The following IQCJ variants were observed in gnomAD, a reference collection of about 807,000 sequenced individuals.
The protein encoded by IQCJ is IQ motif containing J.
In IQCJ, 9 loss-of-function variants were observed where a neutral mutation model predicts 11.0. That is an observed-to-expected ratio of 0.82 (90% CI 0.49 to 1.43). The LOEUF (loss-of-function observed/expected upper bound fraction) is 1.43. IQCJ is among the 40% of genes most tolerant of loss of function. IQCJ has a pLI of 0.00. For missense variants in IQCJ, 146 were observed against 133.2 expected, an observed-to-expected ratio of 1.10 and a Z score of -0.47; for synonymous variants, 55 against 51.3, an observed-to-expected ratio of 1.07 and a Z score of -0.31.
At chr3:159,183,099 T>G (rs1723190730) in intron 1 of IQCJ, among the ~76,000 whole-genome samples, 1 of 152,076 alleles carries the variant, frequency 6.6e-6, no homozygotes. Flanking sequence ...TAGGTATTCA[T>G]AGGACTCCTT....
At chr3:159,244,973 G>A (rs543210414) in intron 1 of IQCJ, among the ~76,000 whole-genome samples, 6 of 152,272 alleles carry the variant, frequency 3.9e-5, no homozygotes, top group African/African-American at 7.2e-5. Flanking sequence ...AGAGTTCTGC[G>A]AGTCTTCCTT....
chr3:159,183,342 T>C (rs1271011899), intron 1 of IQCJ, among the ~76,000 whole-genome samples: 2 of 152,222 alleles, frequency 1.3e-5, no homozygotes, highest in East Asian at 3.8e-4. Flanking sequence ...CATTATGAAG[T>C]CTTTTTTGAC....
chr3:159,256,747 A>G (rs1288130412), intron 3 of IQCJ, among the ~76,000 whole-genome samples: 1 of 152,214 alleles, frequency 6.6e-6, no homozygotes, highest in East Asian at 1.9e-4. Flanking sequence ...ACATATTTTT[A>G]TGTCCACTTG....
chr3:159,108,006 C>CAAA (rs367862873), intron 1 of IQCJ, among the ~76,000 whole-genome samples: 1,092 of 100,198 alleles, frequency 0.011, 9 homozygotes, highest in Non-Finnish European at 0.014. Context: ...TATGGTTTTC[C>CAAA]AAAAAAAAAA....
intron 1 of IQCJ, among the ~76,000 whole-genome samples, chr3:159,157,277 C>T (rs1310868514): frequency 6.6e-6 from 1 of 152,184 alleles, no homozygotes; most frequent in African/African-American, 2.4e-5. Context: ...TTGCAACGAA[C>T]TATGGTATGG....
chr3:159,124,377 G>A (rs885342), intron 1 of IQCJ, among the ~76,000 whole-genome samples: 103,846 of 151,994 alleles, frequency 0.68, 35,554 homozygotes, highest in East Asian at 0.71. Flanking sequence ...GTTACTATGA[G>A]TAAATACCAA....
rs35878681 is a variant in IQCJ, at chr3:159,165,788, ATT to A, written c.10-80034_10-80033del. 6.5e-3 allele frequency among the ~76,000 whole-genome samples: 690 copies of A among 106,478 alleles called. 3 individuals are homozygous for A. The highest frequency in any genetic ancestry group is 0.022 in the African/African-American group (608 of 27,994). 69.9% of individuals were successfully genotyped at this position (106,478 alleles called of 152,430 possible). A position where few individuals can be genotyped will look rare whatever the true frequency, so the allele number is the denominator to read the frequency against. ...GCCACCATGCCCAGCTAATTTTTGTATTTTTTTTTTTTTTTTTTTTTTAGTAA... is the reference window on the plus strand; with the variant it reads ...GCCACCATGCCCAGCTAATTTTTGTATTTTTTTTTTTTTTTTTTTTAGTAA... On this transcript the variant is annotated intron_variant, in intron 1 of 3. Coordinates refer to ENST00000397832, the MANE Select transcript of IQCJ (RefSeq NM_001042706.3).
intron 1 of IQCJ, among the ~76,000 whole-genome samples, chr3:159,121,143 T>TC (rs1719354255): frequency 8.0e-6 from 1 of 124,274 alleles, no homozygotes; most frequent in East Asian, 2.9e-4. Flanking sequence ...TTTTTCTTTT[T>TC]TTTTTTTTTA....
intron 3 of IQCJ, among the ~76,000 whole-genome samples, chr3:159,255,528 GA>G (rs745758285): frequency 1.3e-5 from 2 of 152,210 alleles, no homozygotes; most frequent in Non-Finnish European, 2.9e-5. Context: ...GAATTTATAA[GA>G]AAGTGTAAAC....
At chr3:159,150,781 C>T (rs1577042750) in intron 1 of IQCJ, among the ~76,000 whole-genome samples, 1 of 152,156 alleles carries the variant, frequency 6.6e-6, no homozygotes, top group East Asian at 1.9e-4. Context: ...ACTGCCCCAT[C>T]CTGAGTTTTG....
intron 1 of IQCJ, among the ~76,000 whole-genome samples, chr3:159,103,315 T>C (rs1559985890): frequency 6.6e-6 from 1 of 152,254 alleles, no homozygotes; most frequent in Non-Finnish European, 1.5e-5. Flanking sequence ...GGAGAATTAC[T>C]TCTTTTGTAG....
At chr3:159,239,287 CA>C (rs1315012704) in intron 1 of IQCJ, among the ~76,000 whole-genome samples, 1 of 152,156 alleles carries the variant, frequency 6.6e-6, no homozygotes, top group Non-Finnish European at 1.5e-5. Context: ...TCTTGTTAGT[CA>C]TTGACCTTAT....
intron 1 of IQCJ, among the ~76,000 whole-genome samples, chr3:159,185,368 GT>G (rs1252244889): frequency 6.6e-6 from 1 of 151,970 alleles, no homozygotes; most frequent in Non-Finnish European, 1.5e-5. Context: ...GTAATAGTGT[GT>G]TTTTCAGCAT....
intron 1 of IQCJ, among the ~76,000 whole-genome samples, chr3:159,123,268 C>A (rs1383459709): frequency 6.6e-6 from 1 of 152,090 alleles, no homozygotes; most frequent in Non-Finnish European, 1.5e-5. Context: ...TCAGTTCTGC[C>A]CTGAGATCTG....
chr3:159,221,990 T>C (rs1292995758), intron 1 of IQCJ, among the ~76,000 whole-genome samples: 1 of 152,228 alleles, frequency 6.6e-6, no homozygotes, highest in African/African-American at 2.4e-5. Context: ...ATCTGACTAA[T>C]ATTGAAAAAC....
chr3:159,188,750 C>T (rs1464090607), intron 1 of IQCJ, among the ~76,000 whole-genome samples: 1 of 152,094 alleles, frequency 6.6e-6, no homozygotes, highest in Non-Finnish European at 1.5e-5. Context: ...GCCTTGGTAT[C>T]TCCCCCTTCT....
chr3:159,183,259 C>A (rs2108020618), intron 1 of IQCJ, among the ~76,000 whole-genome samples: 1 of 152,260 alleles, frequency 6.6e-6, no homozygotes. Flanking sequence ...ATATCTGGTT[C>A]ATTTTGAGAT....
At chr3:159,206,048 T>G (rs1200812273) in intron 1 of IQCJ, among the ~76,000 whole-genome samples, 1 of 152,180 alleles carries the variant, frequency 6.6e-6, no homozygotes, top group African/African-American at 2.4e-5. Flanking sequence ...CTTTGCTTCC[T>G]GACTGGGTAG....
At chr3:159,256,289 A>G (rs1727891136) in intron 3 of IQCJ, among the ~76,000 whole-genome samples, 1 of 152,104 alleles carries the variant, frequency 6.6e-6, no homozygotes. Flanking sequence ...CCCTCTCCTG[A>G]TTTTTATTAT....
Sources: allele counts gnomAD v4.1 joint callset (sites outside exome capture counted in the v4.1 genomes callset), GRCh38; gene constraint gnomAD v4.1.1; transcripts MANE v1.5; gene names NCBI Gene and HGNC (gene_info 2026-07-23, HGNC 2026-07-21).